KCNS3: variants seen among roughly 807,000 people sequenced by gnomAD.
The protein encoded by KCNS3 is delayed-rectifier potassium channel regulatory subunit KCNS3.
KCNS3 carries 13 observed loss-of-function variants against 31.0 expected under a neutral mutation model. The observed-to-expected ratio is 0.42, with a 90% CI of 0.27 to 0.67. The LOEUF is 0.67. KCNS3 is among the 30% of genes least tolerant of loss of function. The pLI is 0.25. For synonymous variants in KCNS3, 238 were observed against 241.5 expected (o/e 0.99, Z 0.13); for missense variants, 545 against 622.4 (o/e 0.88, Z 1.32).
chr2:17,927,578 A>C (rs1662866851), intron 2 of KCNS3, among the ~76,000 whole-genome samples: 1 of 152,256 alleles, frequency 6.6e-6, no homozygotes, highest in Non-Finnish European at 1.5e-5. Flanking sequence ...ATAGAAGGGG[A>C]ACAGGCATGT....
intron 1 of KCNS3, among the ~76,000 whole-genome samples, chr2:17,895,475 A>G (rs1662003459): frequency 6.6e-6 from 1 of 152,186 alleles, no homozygotes; most frequent in Non-Finnish European, 1.5e-5. Context: ...TCCCTAAGAA[A>G]GCCAATATGG....
In KCNS3 at chr2:17,904,129, GA is replaced by G. The variant is rs752107313; in HGVS notation, c.-251-13549del. 7.9e-5 allele frequency among the ~76,000 whole-genome samples: 12 copies of G among 152,148 alleles called. No homozygotes were observed. In the East Asian group the frequency reaches 1.9e-3, roughly 24 times the overall value. On this transcript the variant is annotated intron_variant, in intron 1 of 2. Transcript: ENST00000304101. ...TCCTCTCCAGCACCTGTGGTTTCCT[GA>G]ACTTTTTAATGATTGCCATTGTAAC... is the stretch of plus-strand genomic sequence containing the variant.
intron 2 of KCNS3, among the ~76,000 whole-genome samples, chr2:17,926,063 G>A (rs763132387): frequency 1.9e-4 from 29 of 152,310 alleles, no homozygotes; most frequent in Non-Finnish European, 3.7e-4. Flanking sequence ...GCAAAGGATT[G>A]TTTTGGCCCC....
chr2:17,888,354 G>A (rs1316761110), intron 1 of KCNS3, among the ~76,000 whole-genome samples: 1 of 151,708 alleles, frequency 6.6e-6, no homozygotes, highest in Admixed American at 6.6e-5. Flanking sequence ...CAGGTCTTAG[G>A]TTTAAGTCCT....
At chr2:17,887,285 A>G (rs910322545) in intron 1 of KCNS3, among the ~76,000 whole-genome samples, 2 of 151,958 alleles carry the variant, frequency 1.3e-5, no homozygotes, top group African/African-American at 2.4e-5. Context: ...CTTCCCCCTG[A>G]GTCCCCAAAG....
intron 1 of KCNS3, among the ~76,000 whole-genome samples, chr2:17,895,476 G>T (rs1662003510): frequency 6.6e-6 from 1 of 152,174 alleles, no homozygotes; most frequent in Non-Finnish European, 1.5e-5. Context: ...CCCTAAGAAA[G>T]CCAATATGGT....
At chr2:17,893,584 G>A (rs1171368701) in intron 1 of KCNS3, among the ~76,000 whole-genome samples, 2 of 152,214 alleles carry the variant, frequency 1.3e-5, no homozygotes, top group Non-Finnish European at 2.9e-5. Context: ...GACCCAGTGA[G>A]CTCCCAGGGC....
chr2:17,887,266 A>G (rs1198111727), intron 1 of KCNS3, among the ~76,000 whole-genome samples: 1 of 150,078 alleles, frequency 6.7e-6, no homozygotes, highest in African/African-American at 2.5e-5. Flanking sequence ...TCCCTCCCCC[A>G]CTCCCACTCT....
chr2:17,903,889 A>G (rs1042811594), intron 1 of KCNS3, among the ~76,000 whole-genome samples: 1 of 152,118 alleles, frequency 6.6e-6, no homozygotes, highest in Non-Finnish European at 1.5e-5. Flanking sequence ...CCAAGTCTTT[A>G]CTATTGTGAA....
At chr2:17,916,795 ATGTT>A (rs1171883196) in intron 1 of KCNS3, among the ~76,000 whole-genome samples, 7 of 151,250 alleles carry the variant, frequency 4.6e-5, no homozygotes, top group Admixed American at 3.9e-4. Flanking sequence ...ACCACAGTGA[ATGTT>A]TGTTTAATCA....
At chr2:17,895,742 C>T (rs866033920) in intron 1 of KCNS3, among the ~76,000 whole-genome samples, 7 of 152,196 alleles carry the variant, frequency 4.6e-5, no homozygotes, top group Middle Eastern at 3.4e-3. Context: ...GGAAAGTTTC[C>T]TGGAAGAGGC....
At chr2:17,894,996 T>C (rs1661988766) in intron 1 of KCNS3, among the ~76,000 whole-genome samples, 1 of 152,208 alleles carries the variant, frequency 6.6e-6, no homozygotes, top group African/African-American at 2.4e-5. Flanking sequence ...TGCCTGGGGA[T>C]CTCATTATTT....
In KCNS3 at chr2:17,932,456, C is replaced by T. The variant is rs1451525676; in HGVS notation, c.1448C>T (p.Thr483Ile). 1.2e-6 allele frequency: 2 copies of T among 1,612,818 alleles called. No individual in the cohort carries two copies. Residue 483 changes from threonine (T) to isoleucine (I), a missense_variant, in exon 3 of 3, where the codon ACC becomes ATC. Physicochemically the swap from Thr to Ile is moderately conservative, Grantham distance 89 (BLOSUM62 -1). Transcript: ENST00000304101. ...IEDNEDICNT[T>I]SLENCTAK is the part of the protein sequence containing the mutation. ...GACAATGAGGACATTTGTAACACCA[C>T]CTCCTTGGAGAATTGCACAGCAAAA... is the stretch of plus-strand genomic sequence containing the variant.
rs189613109 is a variant in KCNS3, at chr2:17,929,265, T to C, written c.-59-1685T>C. ...GAACTACCTGAGACTGGGTAATTTA[T>C]AAAGATTTAATTGACTTACAGTTCT... On this transcript the variant is annotated intron_variant, in intron 2 of 2. Coordinates refer to ENST00000304101, the MANE Select transcript of KCNS3 (RefSeq NM_002252.5). Among the ~76,000 whole-genome samples the C allele has an allele frequency of 6.6e-5, 10 of 152,300 alleles. No homozygotes were observed. In the East Asian group the frequency reaches 1.7e-3, roughly 26 times the overall value.
Position 17,932,034 on chromosome 2 carries a change from C to T in KCNS3, c.1026C>T (p.Ile342=). 6.2e-7 allele frequency: 1 copy of T among 1,614,158 alleles called. No homozygotes were observed. The highest frequency in any genetic ancestry group is 8.5e-7 in the Non-Finnish European group (1 of 1,180,026). Residue 342 remains isoleucine, a synonymous_variant, in exon 3 of 3, where the codon ATC becomes ATT. Transcript: ENST00000304101. The part of the protein sequence containing the change: ...SVGISIFSVL[I]YSVEKDDHTS... ...GCATTTCCATTTTCTCTGTGCTTAT[C>T]TACTCCGTGGAGAAAGATGACCACA...
intron 1 of KCNS3, among the ~76,000 whole-genome samples, chr2:17,903,998 G>T (rs1460399281): frequency 6.6e-6 from 1 of 152,020 alleles, no homozygotes; most frequent in Non-Finnish European, 1.5e-5. Flanking sequence ...GGGTCAAATG[G>T]TATTTCTAGT....
chr2:17,893,400 C>T (rs1431283949), intron 1 of KCNS3, among the ~76,000 whole-genome samples: 2 of 152,230 alleles, frequency 1.3e-5, no homozygotes, highest in African/African-American at 2.4e-5. Context: ...GTCTGCATGC[C>T]GGATTAGGAT....
intron 1 of KCNS3, among the ~76,000 whole-genome samples, chr2:17,882,264 T>C (rs1674660855): frequency 6.6e-6 from 1 of 152,206 alleles, no homozygotes; most frequent in South Asian, 2.1e-4. Context: ...AAAATCACAA[T>C]GACTCGGTCA....
intron 1 of KCNS3, among the ~76,000 whole-genome samples, chr2:17,886,677 C>CGTCT (rs1445569234): frequency 1.5e-5 from 2 of 137,836 alleles, no homozygotes; most frequent in Non-Finnish European, 3.2e-5. Flanking sequence ...CCCATCCATC[C>CGTCT]GTCCGTCCAT....
Sources: allele counts gnomAD v4.1 joint callset (sites outside exome capture counted in the v4.1 genomes callset), GRCh38; gene constraint gnomAD v4.1.1; transcripts MANE v1.5; gene names NCBI Gene and HGNC (gene_info 2026-07-23, HGNC 2026-07-21).